Variants in RBM19 observed in about 807,000 individuals in gnomAD.
RBM19 encodes the protein RNA binding motif protein 19, also known as probable RNA-binding protein 19.
Under a neutral mutation model 116.8 loss-of-function variants are expected in RBM19, and 94 were observed. The ratio of observed to expected loss-of-function variants is 0.80; its 90% CI spans 0.68 to 0.95. The LOEUF (loss-of-function observed/expected upper bound fraction) is 0.95, where lower values mean the gene tolerates loss of function less well. RBM19 is among the 40% of genes least tolerant of loss of function. The pLI, the probability that RBM19 is intolerant of heterozygous loss-of-function variation, is 0.00. For synonymous variants in RBM19, 475 were observed against 494.1 expected (o/e 0.96, Z 0.51); for missense variants, 1,161 against 1,220.7 (o/e 0.95, Z 0.73).
At chr12:113,878,632 GACACACACAC>G (rs55868508) in intron 21 of RBM19, among the ~76,000 whole-genome samples, 77 of 137,902 alleles carry the variant, frequency 5.6e-4, no homozygotes, top group East Asian at 2.5e-3. Context: ...CATTCTCCCT[GACACACACAC>G]ACACACACAC....
At position 113,893,421 on chromosome 12, in the gene RBM19, G is replaced by A. The variant is rs1881091586; in HGVS notation, c.2558+21548C>T. Among the ~76,000 whole-genome samples, 3 of 152,138 alleles carry A rather than the reference G, an allele frequency of 2.0e-5. No individual in the cohort carries two copies. The South Asian group carries it at 6.2e-4, about 32-fold the overall frequency. ...GCTGGGATTACAGGTGTGAGCCACC[G>A]CGGCTGGCCTACTGTTTTGATTCTT... On this transcript the variant is annotated intron_variant, in intron 21 of 23. Coordinates refer to ENST00000261741, the MANE Select transcript of RBM19 (RefSeq NM_016196.4).
chr12:113,881,404 G>T (rs1880116855), intron 21 of RBM19, among the ~76,000 whole-genome samples: 1 of 152,214 alleles, frequency 6.6e-6, no homozygotes, highest in African/African-American at 2.4e-5. Context: ...CACGGCTGGG[G>T]AGATGGAAGA....
chr12:113,897,765 C>T (rs1316354755), intron 21 of RBM19, among the ~76,000 whole-genome samples: 1 of 152,258 alleles, frequency 6.6e-6, no homozygotes, highest in Non-Finnish European at 1.5e-5. Flanking sequence ...TACTGACCAT[C>T]TGAATCACTA....
chr12:113,842,117 C>T (rs1029214097), intron 23 of RBM19, among the ~76,000 whole-genome samples: 2 of 152,210 alleles, frequency 1.3e-5, no homozygotes, highest in African/African-American at 4.8e-5. Flanking sequence ...GGGCCTTGGC[C>T]TGGCTGGTAA....
chr12:113,930,315 C>G (rs958491325), intron 16 of RBM19, among the ~76,000 whole-genome samples: 2 of 152,342 alleles, frequency 1.3e-5, no homozygotes, highest in Non-Finnish European at 2.9e-5. Context: ...GAGCCCAGAA[C>G]CCCTCAGCAT....
chr12:113,820,954 TG>T (rs1464102487), downstream of RBM19, among the ~76,000 whole-genome samples: 4 of 152,176 alleles, frequency 2.6e-5, no homozygotes, highest in Non-Finnish European at 5.9e-5. Flanking sequence ...CAGGAAGGGT[TG>T]GACAGCCCTG....
chr12:113,818,646 G>C (rs955178536), downstream of RBM19, among the ~76,000 whole-genome samples: 1 of 152,222 alleles, frequency 6.6e-6, no homozygotes, highest in Non-Finnish European at 1.5e-5. Flanking sequence ...ATGACCTTCT[G>C]TTTCTGTCTT....
intron 1 of RBM19, among the ~76,000 whole-genome samples, chr12:113,962,748 T>A (rs1430357489): frequency 6.6e-6 from 1 of 152,202 alleles, no homozygotes; most frequent in Non-Finnish European, 1.5e-5. Context: ...AATAAATACT[T>A]GTAGGAATAA....
chr12:113,897,459 C>T (rs1041659692), intron 21 of RBM19, among the ~76,000 whole-genome samples: 1 of 152,244 alleles, frequency 6.6e-6, no homozygotes, highest in Admixed American at 6.5e-5. Flanking sequence ...AGTCATGGCA[C>T]CCGGCCCAGA....
chr12:113,897,882 C>CCT (rs1256753799), intron 21 of RBM19, among the ~76,000 whole-genome samples: 1 of 152,238 alleles, frequency 6.6e-6, no homozygotes, highest in African/African-American at 2.4e-5. Flanking sequence ...CTGAGCAGAG[C>CCT]CTCTGGCCAC....
intron 21 of RBM19, among the ~76,000 whole-genome samples, chr12:113,871,870 G>A (rs1197707998): frequency 6.6e-6 from 1 of 152,030 alleles, no homozygotes; most frequent in Non-Finnish European, 1.5e-5. Context: ...CGGGCCCCGC[G>A]GGGCCGGAGG....
chr12:113,847,241 G>A (rs898972759), intron 22 of RBM19, among the ~76,000 whole-genome samples: 1 of 152,152 alleles, frequency 6.6e-6, no homozygotes, highest in Admixed American at 6.5e-5. Flanking sequence ...ACTAGAACAT[G>A]CATCTTTTTA....
intron 8 of RBM19, among the ~76,000 whole-genome samples, chr12:113,951,982 A>G (rs909969882): frequency 6.6e-6 from 1 of 152,238 alleles, no homozygotes; most frequent in African/African-American, 2.4e-5. Context: ...AGCAAGAAGT[A>G]GGCACGGACA....
At chr12:113,922,327 A>G (rs1367958312) in intron 18 of RBM19, among the ~76,000 whole-genome samples, 1 of 152,108 alleles carries the variant, frequency 6.6e-6, no homozygotes, top group Admixed American at 6.5e-5. Flanking sequence ...ACCCTGACTG[A>G]TATACTTTGT....
chr12:113,864,329 C>G (rs896705955), intron 21 of RBM19, among the ~76,000 whole-genome samples: 3 of 152,190 alleles, frequency 2.0e-5, no homozygotes, highest in Non-Finnish European at 4.4e-5. Context: ...AGCCTCTTAG[C>G]TGGGAAGCAG....
chr12:113,909,381 A>G (rs1882286948), intron 21 of RBM19, among the ~76,000 whole-genome samples: 2 of 151,772 alleles, frequency 1.3e-5, no homozygotes, highest in African/African-American at 2.4e-5. Context: ...TTGGCCTCCC[A>G]AAGTGCGGGA....
In RBM19 at chr12:113,868,157, A is replaced by G. The variant is rs1878972029; in HGVS notation, c.2559-9261T>C. ...GCAGCTGTGTGGCCATTTTACATAC[A>G]GGAAAAATGAGTCTCTGGCTGCTTA... On this transcript the variant is annotated intron_variant, in intron 21 of 23. Coordinates refer to ENST00000261741, the MANE Select transcript of RBM19 (RefSeq NM_016196.4). 2.6e-5 allele frequency among the ~76,000 whole-genome samples: 4 copies of G among 152,314 alleles called. No homozygotes were observed. The South Asian group carries it at 8.3e-4, about 32-fold the overall frequency.
intron 21 of RBM19, among the ~76,000 whole-genome samples, chr12:113,864,453 C>T (rs1436703669): frequency 6.6e-6 from 1 of 152,144 alleles, no homozygotes; most frequent in Non-Finnish European, 1.5e-5. Context: ...GCTTACTGCT[C>T]CCCTGGCCCC....
chr12:113,934,882 C>T (rs982601618), intron 16 of RBM19, among the ~76,000 whole-genome samples: 10 of 152,034 alleles, frequency 6.6e-5, no homozygotes, highest in Admixed American at 3.3e-4. Context: ...CCTCATCTTT[C>T]GAAGGAACAG....
Sources: gnomAD v4.1 joint callset for allele counts (sites outside exome capture counted in the v4.1 genomes callset) on GRCh38, gnomAD v4.1.1 for gene constraint, MANE v1.5 for transcripts, NCBI Gene and HGNC (gene_info 2026-07-23, HGNC 2026-07-21) for gene names.